ZBTB20: variants seen among roughly 807,000 people sequenced by gnomAD.
ZBTB20 encodes zinc finger and BTB domain containing 20.
A neutral mutation model predicts 56.9 loss-of-function variants in ZBTB20; 9 were observed. The ratio of observed to expected loss-of-function variants is 0.16; its 90% CI spans 0.10 to 0.28. The LOEUF (loss-of-function observed/expected upper bound fraction) is 0.28, where lower values mean the gene tolerates loss of function less well. Among genes scored for constraint, ZBTB20 ranks in the 10% least tolerant of loss-of-function variants. ZBTB20 has a pLI of 1.00. For missense variants in ZBTB20, 655 were observed against 1,003.0 expected (o/e 0.65, Z 4.69); for synonymous variants, 417 against 420.7 (o/e 0.99, Z 0.11).
At chr3:114,354,263 C>A (rs1172325751) in intron 10 of ZBTB20, among the ~76,000 whole-genome samples, 1 of 152,184 alleles carries the variant, frequency 6.6e-6, no homozygotes, top group East Asian at 1.9e-4. Context: ...TTAAGTAAAA[C>A]AATAAGCAGT....
chr3:115,064,348 A>G (rs981178287), intron 2 of ZBTB20, among the ~76,000 whole-genome samples: 1 of 151,788 alleles, frequency 6.6e-6, no homozygotes, highest in African/African-American at 2.4e-5. Context: ...TTGGAGAACC[A>G]TGTGTCTAAA....
intron 3 of ZBTB20, among the ~76,000 whole-genome samples, chr3:114,927,247 T>C (rs1455915738): frequency 6.6e-6 from 1 of 152,182 alleles, no homozygotes; most frequent in Non-Finnish European, 1.5e-5. Context: ...CCCTCCCACT[T>C]TGAGTTGTCC....
intron 3 of ZBTB20, among the ~76,000 whole-genome samples, chr3:114,968,877 C>G (rs1560447820): frequency 6.6e-6 from 1 of 152,046 alleles, no homozygotes; most frequent in Non-Finnish European, 1.5e-5. Context: ...TATTACCACA[C>G]CTAGCTTCAT....
At chr3:114,555,079 C>G (rs1340298503) in intron 6 of ZBTB20, among the ~76,000 whole-genome samples, 1 of 152,118 alleles carries the variant, frequency 6.6e-6, no homozygotes, top group African/African-American at 2.4e-5. Context: ...AAGGCCTGGA[C>G]TTTTCTTATA....
chr3:114,655,353 C>T (rs1323623803), intron 6 of ZBTB20, among the ~76,000 whole-genome samples: 1 of 147,172 alleles, frequency 6.8e-6, no homozygotes, highest in Non-Finnish European at 1.5e-5. Context: ...CCCGGGTTCA[C>T]GCCATTCTCC....
At chr3:114,762,021 A>G (rs2068478649) in intron 5 of ZBTB20, among the ~76,000 whole-genome samples, 1 of 152,114 alleles carries the variant, frequency 6.6e-6, no homozygotes, top group African/African-American at 2.4e-5. Flanking sequence ...CTTAGACAAT[A>G]AATGTAAATA....
chr3:114,430,151 G>C (rs549836969), intron 7 of ZBTB20, among the ~76,000 whole-genome samples: 1 of 152,306 alleles, frequency 6.6e-6, no homozygotes, highest in Admixed American at 6.5e-5. Context: ...TAGTAGTAAA[G>C]AAGTGATCAT....
chr3:114,718,513 A>G (rs372811785), intron 5 of ZBTB20, among the ~76,000 whole-genome samples: 2 of 152,128 alleles, frequency 1.3e-5, no homozygotes, highest in Admixed American at 6.6e-5. Flanking sequence ...CTTTCCTCAC[A>G]TCTGGCTCTA....
chr3:115,029,005 T>C (rs1291719909), intron 2 of ZBTB20, among the ~76,000 whole-genome samples: 2 of 150,236 alleles, frequency 1.3e-5, no homozygotes, highest in Non-Finnish European at 3.0e-5. Flanking sequence ...AGGAGTAGAA[T>C]AAAAAAATTA....
chr3:114,481,245 G>A (rs1277327183), intron 7 of ZBTB20, among the ~76,000 whole-genome samples: 3 of 142,800 alleles, frequency 2.1e-5, no homozygotes, highest in East Asian at 2.1e-4. Flanking sequence ...TGGCCCCATC[G>A]AATCTACAAA....
chr3:114,646,154 G>T (rs750225634), intron 6 of ZBTB20, among the ~76,000 whole-genome samples: 27 of 144,474 alleles, frequency 1.9e-4, no homozygotes, highest in Admixed American at 1.8e-3. Flanking sequence ...AAAAAGAAGC[G>T]TTATGTGAAA....
intron 7 of ZBTB20, among the ~76,000 whole-genome samples, chr3:114,389,941 G>A (rs952505870): frequency 3.3e-5 from 5 of 149,268 alleles, no homozygotes; most frequent in South Asian, 4.3e-4. Context: ...ACTTTTTCAT[G>A]GTGAGAACAC....
chr3:114,921,208 C>T (rs569136457), intron 3 of ZBTB20, among the ~76,000 whole-genome samples: 54 of 152,250 alleles, frequency 3.5e-4, no homozygotes, highest in African/African-American at 1.2e-3. Context: ...CTGCAACCTC[C>T]ATCTCCTGAG....
intron 10 of ZBTB20, among the ~76,000 whole-genome samples, chr3:114,368,186 T>G (rs1300319987): frequency 6.6e-6 from 1 of 152,242 alleles, no homozygotes; most frequent in Non-Finnish European, 1.5e-5. Context: ...ATTCTCATTA[T>G]GCAATTATGC....
intron 4 of ZBTB20, among the ~76,000 whole-genome samples, chr3:114,883,514 C>A (rs1042245751): frequency 6.6e-6 from 1 of 152,118 alleles, no homozygotes; most frequent in Non-Finnish European, 1.5e-5. Context: ...GTCAAAATAT[C>A]AACATTCATT....
At chr3:114,637,776 T>C (rs2059353678) in intron 6 of ZBTB20, among the ~76,000 whole-genome samples, 1 of 152,140 alleles carries the variant, frequency 6.6e-6, no homozygotes. Context: ...CTTAAATATA[T>C]AACATGTGTT....
chr3:114,991,679 G>C (rs1253385721), intron 2 of ZBTB20, among the ~76,000 whole-genome samples: 4 of 152,082 alleles, frequency 2.6e-5, no homozygotes, highest in Non-Finnish European at 5.9e-5. Flanking sequence ...CTGTCTCGTT[G>C]ATCTGTCTAA....
At chr3:114,915,033 TTTTC>T (rs1329552820) in intron 3 of ZBTB20, among the ~76,000 whole-genome samples, 29 of 147,776 alleles carry the variant, frequency 2.0e-4, no homozygotes, top group African/African-American at 7.2e-4. Flanking sequence ...CTTTGTTTTC[TTTTC>T]TTTTTTTTTT....
chr3:114,555,727 G>A (rs1226652164), intron 6 of ZBTB20, among the ~76,000 whole-genome samples: 1 of 152,076 alleles, frequency 6.6e-6, no homozygotes, highest in Non-Finnish European at 1.5e-5. Flanking sequence ...ATGCCACTGT[G>A]AAACACAGAA....
Sources: allele counts gnomAD v4.1 joint callset (sites outside exome capture counted in the v4.1 genomes callset), GRCh38; gene constraint gnomAD v4.1.1; transcripts MANE v1.5; gene names NCBI Gene and HGNC (gene_info 2026-07-23, HGNC 2026-07-21).